Variants in MLLT3 observed in about 807,000 individuals in gnomAD.
The protein encoded by MLLT3 is MLLT3 super elongation complex subunit, also known as protein AF-9.
Under a neutral mutation model 53.2 loss-of-function variants are expected in MLLT3, and 4 were observed. The observed-to-expected ratio is 0.08, with a 90% CI of 0.04 to 0.17. The LOEUF is 0.17. Among genes scored for constraint, MLLT3 ranks in the 10% least tolerant of loss-of-function variants. The pLI is 1.00. For missense variants in MLLT3, 569 were observed against 684.0 expected, an observed-to-expected ratio of 0.83 and a Z score of 1.87; for synonymous variants, 283 against 230.6, an observed-to-expected ratio of 1.23 and a Z score of -2.06.
chr9:20,514,787 T>C (rs1394343635), intron 2 of MLLT3, among the ~76,000 whole-genome samples: 1 of 152,118 alleles, frequency 6.6e-6, no homozygotes, highest in Non-Finnish European at 1.5e-5. Context: ...ATTAAATCAT[T>C]ACCTAACACC....
chr9:20,469,846 G>A (rs1408254465), intron 2 of MLLT3, among the ~76,000 whole-genome samples: 1 of 151,832 alleles, frequency 6.6e-6, no homozygotes, highest in Non-Finnish European at 1.5e-5. Context: ...ATATTCACAG[G>A]GAACCATTCC....
rs1316710168 is a variant in MLLT3, at chr9:20,554,244, G to C, written c.193+66410C>G. Among the ~76,000 whole-genome samples, 5 of 152,032 alleles carry C rather than the reference G, an allele frequency of 3.3e-5. No individual in the cohort carries two copies. In the South Asian group the frequency reaches 1.0e-3, roughly 32 times the overall value. On this transcript the variant is annotated intron_variant, in intron 2 of 10. Transcript: ENST00000380338. ...AAAACTTAATTTCCTGTACAGTACT[G>C]CTTTCATTTCACCTTTAAAAAAATC...
At chr9:20,366,595 T>C (rs1234872359) in intron 5 of MLLT3, among the ~76,000 whole-genome samples, 1 of 152,160 alleles carries the variant, frequency 6.6e-6, no homozygotes, top group East Asian at 1.9e-4. Flanking sequence ...GTATTTCTGG[T>C]TCTAGATCCT....
chr9:20,414,171 G>C lies in MLLT3; in HGVS notation c.675C>G (p.His225Gln). The change falls in exon 5 of 11, where the codon CAC (histidine) becomes CAG (glutamine). Residue 225 changes from histidine to glutamine, a missense_variant. Physicochemically the swap from His to Gln is conservative, Grantham distance 24. Transcript: ENST00000380338. ...KSAFKEPSRDHNKSSKESSKK... is the reference protein window; with the variant it reads ...KSAFKEPSRDQNKSSKESSKK... ...TAGAGGATTCTTTGGAAGATTTGTT[G>C]TGATCCCTGGAAGGTTCTTTGAAGG... is the stretch of plus-strand genomic sequence containing the variant. 6.2e-7 allele frequency: 1 copy of C among 1,614,118 alleles called. No homozygotes were observed. The highest frequency in any genetic ancestry group is 8.5e-7 in the Non-Finnish European group (1 of 1,179,990).
At chr9:20,544,069 G>A (rs185451091) in intron 2 of MLLT3, among the ~76,000 whole-genome samples, 2 of 152,174 alleles carry the variant, frequency 1.3e-5, no homozygotes, top group East Asian at 1.9e-4. Flanking sequence ...ATGGACAAAT[G>A]ATCTTCAACA....
At chr9:20,426,904 C>T (rs1421680211) in intron 4 of MLLT3, among the ~76,000 whole-genome samples, 1 of 152,136 alleles carries the variant, frequency 6.6e-6, no homozygotes, top group South Asian at 2.1e-4. Flanking sequence ...AGGACACACG[C>T]ATGACTGTGT....
chr9:20,410,846 C>T (rs1310411666), intron 5 of MLLT3, among the ~76,000 whole-genome samples: 1 of 152,144 alleles, frequency 6.6e-6, no homozygotes, highest in African/African-American at 2.4e-5. Flanking sequence ...TATAGACATA[C>T]TAGACAAATA....
At chr9:20,393,796 A>G (rs1045880383) in intron 5 of MLLT3, among the ~76,000 whole-genome samples, 11 of 152,204 alleles carry the variant, frequency 7.2e-5, no homozygotes, top group African/African-American at 2.7e-4. Context: ...AAGAACAGGT[A>G]AAACTATTTT....
intron 2 of MLLT3, among the ~76,000 whole-genome samples, chr9:20,471,817 A>T (rs565559330): frequency 6.6e-6 from 1 of 151,738 alleles, no homozygotes; most frequent in East Asian, 1.9e-4. Flanking sequence ...TTCTGCCCCT[A>T]AGGATGTCAC....
chr9:20,471,163 T>C (rs1824382015), intron 2 of MLLT3, among the ~76,000 whole-genome samples: 1 of 152,094 alleles, frequency 6.6e-6, no homozygotes, highest in African/African-American at 2.4e-5. Context: ...AATCAATAGA[T>C]ATTTATTAAA....
At chr9:20,543,473 T>C (rs924585899) in intron 2 of MLLT3, among the ~76,000 whole-genome samples, 4 of 152,114 alleles carry the variant, frequency 2.6e-5, no homozygotes, top group African/African-American at 9.7e-5. Flanking sequence ...TCCCATAACA[T>C]ATATAAGAAT....
chr9:20,572,997 G>C (rs886158015), intron 2 of MLLT3, among the ~76,000 whole-genome samples: 31 of 152,058 alleles, frequency 2.0e-4, no homozygotes, highest in African/African-American at 5.6e-4. Flanking sequence ...CATATAAAAT[G>C]AAGTACCTCC....
At chr9:20,395,565 T>C (rs1249499799) in intron 5 of MLLT3, among the ~76,000 whole-genome samples, 1 of 152,178 alleles carries the variant, frequency 6.6e-6, no homozygotes, top group Non-Finnish European at 1.5e-5. Flanking sequence ...AAACTGTTTT[T>C]GCCTTTCATG....
rs1824466146 is a variant in MLLT3 at position 20,474,259 on chromosome 9, G to A, written c.194-17473C>T. Reference sequence around the variant, plus strand: ...TAGAAATTTTTATAATAAGAAATGTGTAAAGAAAATTGGAGAAGATTTGAA... The same window carrying A: ...TAGAAATTTTTATAATAAGAAATGTATAAAGAAAATTGGAGAAGATTTGAA... On this transcript the variant is annotated intron_variant, in intron 2 of 10. Transcript: ENST00000380338. 1.3e-5 allele frequency among the ~76,000 whole-genome samples: 2 copies of A among 152,070 alleles called. 1 individual carries two copies. The highest frequency in any genetic ancestry group is 4.8e-5 in the African/African-American group (2 of 41,414).
Position 20,619,787 on chromosome 9 carries a change from T to C in MLLT3, c.193+867A>G, listed in dbSNP as rs777676540. ...CCGTTTCTTTTTTCCAAAACTGTCC[T>C]GCCCATTATGGAAAATGTTTGGGAC... On this transcript the variant is annotated intron_variant, in intron 2 of 10. Coordinates refer to ENST00000380338, the MANE Select transcript of MLLT3 (RefSeq NM_004529.4). Among the ~76,000 whole-genome samples the C allele has an allele frequency of 3.3e-5, 5 of 152,186 alleles. No individual in the cohort carries two copies. The South Asian group carries it at 1.0e-3, about 32-fold the overall frequency.
chr9:20,425,247 G>A (rs933183507), intron 4 of MLLT3, among the ~76,000 whole-genome samples: 3 of 152,070 alleles, frequency 2.0e-5, no homozygotes, highest in Admixed American at 2.0e-4. Flanking sequence ...ATAATATGGA[G>A]CAAATGGGTT....
intron 2 of MLLT3, among the ~76,000 whole-genome samples, chr9:20,526,882 T>C (rs993234401): frequency 7.2e-5 from 11 of 152,180 alleles, no homozygotes; most frequent in Non-Finnish European, 1.5e-4. Context: ...ATTTCCCTAA[T>C]GACTAATGAG....
intron 5 of MLLT3, among the ~76,000 whole-genome samples, chr9:20,369,833 GATATAAT>G (rs763055933): frequency 2.5e-4 from 38 of 152,108 alleles, no homozygotes; most frequent in Non-Finnish European, 4.7e-4. Context: ...AGGATTGCAA[GATATAAT>G]AATCTCCTTT....
chr9:20,382,321 CT>C (rs1821927207), intron 5 of MLLT3: 1 of 151,746 alleles, frequency 6.6e-6, no homozygotes, highest in Non-Finnish European at 1.5e-5. Flanking sequence ...AGTAAATAAA[CT>C]TTACATATAG....
Sources: allele counts gnomAD v4.1 joint callset (sites outside exome capture counted in the v4.1 genomes callset), GRCh38; gene constraint gnomAD v4.1.1; transcripts MANE v1.5; gene names NCBI Gene and HGNC (gene_info 2026-07-23, HGNC 2026-07-21).